MIA2: variants seen among roughly 807,000 people sequenced by gnomAD.
MIA2 encodes melanoma inhibitory activity protein 2.
MIA2 carries 127 observed loss-of-function variants against 167.8 expected under a neutral mutation model. The ratio of observed to expected loss-of-function variants is 0.76; its 90% CI spans 0.66 to 0.88. The LOEUF is 0.88. Among genes scored for constraint, MIA2 ranks in the 40% least tolerant of loss-of-function variants. MIA2 has a pLI of 0.00. For missense variants in MIA2, 1,690 were observed against 1,624.7 expected (o/e 1.04, Z -0.69); for synonymous variants, 552 against 541.9 (o/e 1.02, Z -0.26).
chr14:39,328,749 C>A (rs2068117254), intron 25 of MIA2, among the ~76,000 whole-genome samples: 1 of 152,076 alleles, frequency 6.6e-6, no homozygotes, highest in Admixed American at 6.6e-5. Flanking sequence ...TTGTTTTTGT[C>A]AGGTTTGTCA....
chr14:39,236,827 A>T, intron 1 of MIA2, 95 bp from the exon 2 acceptor site: 1 of 1,178,688 alleles, frequency 8.5e-7, no homozygotes, highest in Non-Finnish European at 1.2e-6. Context: ...TAGCATTTGG[A>T]AACATATAGG....
intron 23 of MIA2, among the ~76,000 whole-genome samples, chr14:39,382,051 G>GA (rs570036111): frequency 6.7e-4 from 102 of 152,206 alleles, no homozygotes; most frequent in Admixed American, 2.1e-3. Context: ...CTAGAAGCAG[G>GA]AAAAAAACTC....
At chr14:39,325,661 C>G (rs911714676) in intron 24 of MIA2, among the ~76,000 whole-genome samples, 1 of 151,700 alleles carries the variant, frequency 6.6e-6, no homozygotes, top group Non-Finnish European at 1.5e-5. Flanking sequence ...GCCACCGCGC[C>G]TGGCCAAAAT....
At chr14:39,315,548 T>C (rs1189696454) in intron 20 of MIA2, 135 bp from the exon 21 acceptor site, 1 of 638,118 alleles carries the variant, frequency 1.6e-6, no homozygotes, top group Non-Finnish European at 2.8e-6. Flanking sequence ...GAAAATTTGC[T>C]TTAAAAATGT....
Position 39,313,412 on chromosome 14 carries a change from C to G in MIA2, c.3090C>G (p.Ser1030Arg), listed in dbSNP as rs1327411344. The G allele has an allele frequency of 6.2e-7, 1 of 1,602,384 alleles. No homozygotes were observed. The highest frequency in any genetic ancestry group is 1.1e-5 in the South Asian group (1 of 88,700). The change falls in exon 19 of 29, where the codon AGC becomes AGG. Residue 1030 changes from serine to arginine, a missense_variant. Physicochemically the swap from Ser to Arg is moderately radical, Grantham distance 110. Coordinates refer to ENST00000640607, the MANE Select transcript of MIA2 (RefSeq NM_001329214.4). ...EKLSKVDEKISHATEELETYR... is the reference protein window; with the variant it reads ...EKLSKVDEKIRHATEELETYR... The stretch of plus-strand genomic sequence containing the variant: ...TTTCTAAAGTAGATGAAAAGATCAG[C>G]CATGCCACTGAAGAGCTGGAGACCT...
rs7146808 is a variant in MIA2 at position 39,298,729 on chromosome 14, T to C, written c.2497-1135T>C. On this transcript the variant is annotated intron_variant, in intron 13 of 28. Coordinates refer to ENST00000640607, the MANE Select transcript of MIA2 (RefSeq NM_001329214.4). ...TTTTTTCTTTGCCTATTTTTTCTTATTGACATCTAAGAGCTCTTTGCTTGC... is the reference window on the plus strand; with the variant it reads ...TTTTTTCTTTGCCTATTTTTTCTTACTGACATCTAAGAGCTCTTTGCTTGC... Among the ~76,000 whole-genome samples, 633 of 151,596 alleles carry C rather than the reference T, an allele frequency of 4.2e-3. 5 individuals carry two copies. The highest frequency in any genetic ancestry group is 0.014 in the African/African-American group (578 of 41,372).
At chr14:39,373,181 G>C (rs975171561) in intron 23 of MIA2, among the ~76,000 whole-genome samples, 1 of 151,718 alleles carries the variant, frequency 6.6e-6, no homozygotes, top group African/African-American at 2.4e-5. Flanking sequence ...TTTAATTATG[G>C]TTTTAGGATA....
At chr14:39,265,861 A>G (rs2061607590) in intron 6 of MIA2, 1 of 393,548 alleles carries the variant, frequency 2.5e-6, no homozygotes, top group African/African-American at 2.2e-5. Flanking sequence ...AGTGTCTAAC[A>G]CGTATGAAAG....
chr14:39,248,644 G>A (rs185015452), intron 4 of MIA2, among the ~76,000 whole-genome samples: 8 of 152,134 alleles, frequency 5.3e-5, no homozygotes, highest in African/African-American at 1.9e-4. Context: ...TATTCTGGTA[G>A]GTGTGGATTT....
At chr14:39,281,910 C>A (rs562486415) in intron 9 of MIA2, among the ~76,000 whole-genome samples, 1 of 152,112 alleles carries the variant, frequency 6.6e-6, no homozygotes, top group East Asian at 1.9e-4. Flanking sequence ...TGTGAGCCAC[C>A]ATGCCTGGCC....
chr14:39,387,801 A>T (rs2075291921), exon 24 of MIA2: 1 of 152,228 alleles, frequency 6.6e-6, no homozygotes, highest in Non-Finnish European at 1.5e-5. Flanking sequence ...CCCAGCCTTC[A>T]TCAACCACCA....
intron 9 of MIA2, among the ~76,000 whole-genome samples, chr14:39,280,071 C>G (rs568385834): frequency 4.0e-5 from 6 of 151,708 alleles, no homozygotes; most frequent in Non-Finnish European, 5.9e-5. Context: ...TGTGAAGATT[C>G]ATTTTTTTTC....
chr14:39,327,959 A>G (rs1595674031), intron 25 of MIA2, among the ~76,000 whole-genome samples: 1 of 152,172 alleles, frequency 6.6e-6, no homozygotes, highest in African/African-American at 2.4e-5. Flanking sequence ...TAGTAGAATG[A>G]TTTATAATCC....
chr14:39,253,845 C>T (rs1183122411), intron 6 of MIA2, among the ~76,000 whole-genome samples: 2 of 152,096 alleles, frequency 1.3e-5, no homozygotes, highest in African/African-American at 4.8e-5. Flanking sequence ...TGCAAAAGGA[C>T]TAGCTGTAGT....
chr14:39,275,355 G>A (rs2057842979), intron 6 of MIA2, among the ~76,000 whole-genome samples: 1 of 152,104 alleles, frequency 6.6e-6, no homozygotes, highest in African/African-American at 2.4e-5. Context: ...TGGCCAGGCT[G>A]GTCTCAAACT....
At chr14:39,325,183 C>G (rs2067234200) in intron 24 of MIA2, among the ~76,000 whole-genome samples, 1 of 151,752 alleles carries the variant, frequency 6.6e-6, no homozygotes, top group South Asian at 2.1e-4. Context: ...AGAATCGCAC[C>G]ACTGCACTCC....
At chr14:39,379,076 C>T (rs1252375860) in intron 23 of MIA2, among the ~76,000 whole-genome samples, 1 of 151,968 alleles carries the variant, frequency 6.6e-6, no homozygotes, top group African/African-American at 2.4e-5. Context: ...TCTTATAAAC[C>T]TATTAAATTT....
chr14:39,373,728 T>C (rs2074994749), intron 23 of MIA2, among the ~76,000 whole-genome samples: 1 of 151,932 alleles, frequency 6.6e-6, no homozygotes, highest in African/African-American at 2.4e-5. Context: ...GGCTGAGGCA[T>C]GAGAATCACT....
chr14:39,304,485 T>C (rs1361374541), intron 17 of MIA2, 104 bp downstream of exon 17: 9 of 609,516 alleles, frequency 1.5e-5, no homozygotes, highest in Non-Finnish European at 2.4e-5. Context: ...GATCCAATTT[T>C]ATTTTTTTTT....
Sources: allele counts gnomAD v4.1 joint callset (sites outside exome capture counted in the v4.1 genomes callset), GRCh38; gene constraint gnomAD v4.1.1; transcripts MANE v1.5; gene names NCBI Gene and HGNC (gene_info 2026-07-23, HGNC 2026-07-21).